Variants in FMN1 observed in about 807,000 individuals in gnomAD.
The protein encoded by FMN1 is formin 1, also known as formin-1.
Under a neutral mutation model 132.4 loss-of-function variants are expected in FMN1, and 110 were observed. The observed-to-expected ratio is 0.83, with a 90% CI of 0.71 to 0.97. The LOEUF (loss-of-function observed/expected upper bound fraction) is 0.97. FMN1 is among the 50% of genes least tolerant of loss of function. The pLI is 0.00. For synonymous variants in FMN1, 722 were observed against 651.7 expected (o/e 1.11, Z -1.64); for missense variants, 1,792 against 1,705.3 (o/e 1.05, Z -0.90).
At chr15:32,974,538 G>A (rs1232708489) in intron 7 of FMN1, among the ~76,000 whole-genome samples, 1 of 152,112 alleles carries the variant, frequency 6.6e-6, no homozygotes, top group Admixed American at 6.6e-5. Flanking sequence ...CTAATAAAGT[G>A]GTTCTCAAGC....
chr15:33,103,939 G>A (rs77720787), intron 4 of FMN1, among the ~76,000 whole-genome samples: 17,069 of 151,924 alleles, frequency 0.11, 1,849 homozygotes, highest in East Asian at 0.61. Context: ...AATCCTACCA[G>A]AAAATACAGC....
intron 17 of FMN1, among the ~76,000 whole-genome samples, chr15:32,843,178 C>T (rs2058784560): frequency 6.7e-6 from 1 of 149,576 alleles, no homozygotes. Flanking sequence ...GATTTGAACT[C>T]AGATTTGTGC....
intron 4 of FMN1, among the ~76,000 whole-genome samples, chr15:33,138,897 A>T (rs1027225370): frequency 6.6e-6 from 1 of 151,986 alleles, no homozygotes; most frequent in Non-Finnish European, 1.5e-5. Context: ...ATCTCCTTGT[A>T]TTTCAAGACC....
At chr15:32,816,875 T>C (rs890775317) in intron 17 of FMN1, among the ~76,000 whole-genome samples, 4 of 152,234 alleles carry the variant, frequency 2.6e-5, no homozygotes, top group African/African-American at 7.2e-5. Flanking sequence ...GTAACCATTC[T>C]ACATATTTTT....
chr15:33,084,272 T>TCAAGA (rs1340965882), intron 5 of FMN1, among the ~76,000 whole-genome samples: 6 of 152,168 alleles, frequency 3.9e-5, no homozygotes, highest in African/African-American at 1.4e-4. Flanking sequence ...GGGGTCTGGA[T>TCAAGA]CAAGACCCCT....
intron 6 of FMN1, among the ~76,000 whole-genome samples, chr15:33,045,559 G>C (rs749310332): frequency 2.6e-5 from 4 of 152,182 alleles, no homozygotes; most frequent in African/African-American, 7.2e-5. Flanking sequence ...CTTATGTTTT[G>C]AGCTATCCAA....
At position 33,157,010 on chromosome 15, in the gene FMN1, G is replaced by C. The variant is rs570343280; in HGVS notation, c.-131-1965C>G. Among the ~76,000 whole-genome samples, 90 of 152,258 alleles carry C rather than the reference G, an allele frequency of 5.9e-4. 2 individuals carry two copies. The highest frequency in any genetic ancestry group is 1.9e-3 in the African/African-American group (80 of 41,552). ...TGGCTGGGTATGGTGGCTCACGCCTGTAATCCCAGCACTTTGGGAGGCCGA... is the reference window on the plus strand; with the variant it reads ...TGGCTGGGTATGGTGGCTCACGCCTCTAATCCCAGCACTTTGGGAGGCCGA... On this transcript the variant is annotated intron_variant, in intron 3 of 20. Coordinates refer to ENST00000616417, the MANE Select transcript of FMN1 (RefSeq NM_001277313.2).
intron 4 of FMN1, among the ~76,000 whole-genome samples, chr15:33,147,994 A>G (rs1964294654): frequency 2.0e-5 from 3 of 152,232 alleles, no homozygotes; most frequent in Admixed American, 1.3e-4. Flanking sequence ...AGGACTTCTA[A>G]TTCACTTTCT....
Position 33,169,288 on chromosome 15 carries a change from G to A in FMN1, c.-132+10910C>T, listed in dbSNP as rs114170827. ...TTGCCCTAGATAACTTGCTATAGCGGCCTCACGCTGCTTCTAGAAATCTAC... is the reference window on the plus strand; with the variant it reads ...TTGCCCTAGATAACTTGCTATAGCGACCTCACGCTGCTTCTAGAAATCTAC... On this transcript the variant is annotated intron_variant, in intron 3 of 20. Transcript: ENST00000616417. Among the ~76,000 whole-genome samples, 621 of 152,286 alleles carry A rather than the reference G, an allele frequency of 4.1e-3. 2 individuals are homozygous for A. The highest frequency in any genetic ancestry group is 0.015 in the African/African-American group (604 of 41,558).
At chr15:32,825,117 C>A (rs1323148916) in intron 17 of FMN1, among the ~76,000 whole-genome samples, 1 of 152,242 alleles carries the variant, frequency 6.6e-6, no homozygotes, top group South Asian at 2.1e-4. Flanking sequence ...TTTTCCATCT[C>A]AATTTCCACC....
intron 12 of FMN1, among the ~76,000 whole-genome samples, chr15:32,907,534 T>C (rs2060456751): frequency 1.3e-5 from 2 of 151,822 alleles, no homozygotes; most frequent in Admixed American, 1.3e-4. Context: ...TACCAGTCTG[T>C]GGCCCAGGGG....
At chr15:32,934,321 A>G (rs2061202494) in intron 9 of FMN1, among the ~76,000 whole-genome samples, 1 of 152,074 alleles carries the variant, frequency 6.6e-6, no homozygotes, top group Non-Finnish European at 1.5e-5. Context: ...TTATAATTAT[A>G]TTTGTTTTTA....
chr15:32,830,490 A>G (rs1482781818), intron 17 of FMN1, among the ~76,000 whole-genome samples: 1 of 152,170 alleles, frequency 6.6e-6, no homozygotes, highest in African/African-American at 2.4e-5. Flanking sequence ...ATTCCATTCC[A>G]TTTATGATCT....
intron 7 of FMN1, chr15:32,970,783 T>C (rs1596370727): frequency 9.5e-6 from 1 of 105,122 alleles, no homozygotes; most frequent in Non-Finnish European, 2.1e-5. Flanking sequence ...CTACCATTTG[T>C]CTGGTGTTAA....
chr15:32,997,267 T>G (rs934598948), intron 7 of FMN1, among the ~76,000 whole-genome samples: 1 of 150,878 alleles, frequency 6.6e-6, no homozygotes, highest in African/African-American at 2.4e-5. Flanking sequence ...ACCAGTGAAA[T>G]AAAAGAACTC....
At chr15:32,779,224 A>G (rs1472603417) in intron 19 of FMN1, among the ~76,000 whole-genome samples, 1 of 152,162 alleles carries the variant, frequency 6.6e-6, no homozygotes, top group Non-Finnish European at 1.5e-5. Flanking sequence ...ATGGTTGTAG[A>G]CCCTTGTGAA....
rs28569405 is a variant in FMN1 at position 32,774,381 on chromosome 15, T to A, written c.4216-27A>T. 0.093 allele frequency: 142,558 copies of A among 1,540,498 alleles called. 7,357 individuals are homozygous for A. The highest frequency in any genetic ancestry group is 0.12 in the Middle Eastern group (712 of 5,936). ...TGTTAAGGAAAAAAAAATGAATGTA[T>A]CATTTTCTTTCATCTTTCTCAAGTT... On this transcript the variant is annotated intron_variant, in intron 20 of 20. Transcript: ENST00000616417.
chr15:33,050,968 T>C (rs753243134), intron 6 of FMN1, among the ~76,000 whole-genome samples: 16 of 152,228 alleles, frequency 1.1e-4, no homozygotes, highest in African/African-American at 1.7e-4. Flanking sequence ...ACAGATTTTA[T>C]AGTATGACCC....
intron 3 of FMN1, among the ~76,000 whole-genome samples, chr15:33,170,343 T>C (rs1965270049): frequency 6.6e-6 from 1 of 151,998 alleles, no homozygotes; most frequent in East Asian, 1.9e-4. Flanking sequence ...ACTTCAGAAC[T>C]ATGGACTAGG....
Sources: allele counts gnomAD v4.1 joint callset (sites outside exome capture counted in the v4.1 genomes callset), GRCh38; gene constraint gnomAD v4.1.1; transcripts MANE v1.5; gene names NCBI Gene and HGNC (gene_info 2026-07-23, HGNC 2026-07-21).